The following FAM227B variants were observed in gnomAD, a reference collection of about 807,000 sequenced individuals.
FAM227B encodes protein FAM227B.
FAM227B carries 88 observed loss-of-function variants against 73.8 expected under a neutral mutation model. The ratio of observed to expected loss-of-function variants is 1.19; its 90% CI spans 1.00 to 1.42. FAM227B has a LOEUF of 1.42. Ranked by LOEUF, FAM227B falls within the 40% of genes most tolerant of loss-of-function variation. The pLI is 0.00. For synonymous variants in FAM227B, 210 were observed against 190.5 expected (o/e 1.10, Z -0.84); for missense variants, 632 against 590.9 (o/e 1.07, Z -0.72).
At chr15:49,504,490 G>A (rs1442265657) in intron 11 of FAM227B, among the ~76,000 whole-genome samples, 1 of 152,018 alleles carries the variant, frequency 6.6e-6, no homozygotes, top group Non-Finnish European at 1.5e-5. Flanking sequence ...TGTGGAACTA[G>A]CACCACTCGC....
At chr15:49,505,486 T>A (rs1328209936) in intron 11 of FAM227B, among the ~76,000 whole-genome samples, 3 of 152,098 alleles carry the variant, frequency 2.0e-5, no homozygotes, top group Admixed American at 6.5e-5. Context: ...ATTATTTATG[T>A]AGATATATTT....
At chr15:49,608,716 A>C (rs779712047) in intron 3 of FAM227B, among the ~76,000 whole-genome samples, 2 of 152,064 alleles carry the variant, frequency 1.3e-5, no homozygotes, top group Non-Finnish European at 2.9e-5. Context: ...TCCTCTAAGA[A>C]AAATCATATC....
intron 11 of FAM227B, among the ~76,000 whole-genome samples, chr15:49,396,755 A>T (rs570216185): frequency 6.8e-6 from 1 of 146,968 alleles, no homozygotes. Flanking sequence ...CTCACACGGC[A>T]GGGTACTCCA....
chr15:49,424,828 T>C, intron 11 of FAM227B: 2 of 295,176 alleles, frequency 6.8e-6, no homozygotes, highest in Non-Finnish European at 1.3e-5. Flanking sequence ...ATACTCCTTG[T>C]CCTGAAAATG....
At chr15:49,504,262 C>T (rs1268055669) in intron 11 of FAM227B, among the ~76,000 whole-genome samples, 1 of 133,382 alleles carries the variant, frequency 7.5e-6, no homozygotes, top group Non-Finnish European at 1.6e-5. Flanking sequence ...AACATCACAC[C>T]CCGGGGCCTG....
At chr15:49,479,894 G>A (rs1470722134) in intron 11 of FAM227B, among the ~76,000 whole-genome samples, 4 of 152,150 alleles carry the variant, frequency 2.6e-5, no homozygotes, top group African/African-American at 7.2e-5. Context: ...GATTACAGGC[G>A]TGAGCCACTG....
At chr15:49,513,999 C>A (rs968798086) in intron 10 of FAM227B, among the ~76,000 whole-genome samples, 2 of 152,038 alleles carry the variant, frequency 1.3e-5, no homozygotes, top group East Asian at 1.9e-4. Context: ...GTTACTGTAA[C>A]CTTGTAGGAT....
chr15:49,439,277 G>GGA (rs146268849), intron 11 of FAM227B, among the ~76,000 whole-genome samples: 27 of 149,088 alleles, frequency 1.8e-4, no homozygotes, highest in Admixed American at 1.2e-3. Flanking sequence ...GAGAGGGGTA[G>GGA]GAGAGAGAGA....
intron 11 of FAM227B, among the ~76,000 whole-genome samples, chr15:49,496,135 C>A (rs1319815987): frequency 1.3e-5 from 2 of 152,146 alleles, no homozygotes; most frequent in Non-Finnish European, 2.9e-5. Context: ...TGTAACATGT[C>A]ATTTGCTAAA....
In FAM227B at chr15:49,327,926, T is replaced by C. The variant is rs1000513428; in HGVS notation, c.*642A>G. 6.9e-6 allele frequency: 11 copies of C among 1,593,838 alleles called. No individual in the cohort carries two copies. The highest frequency in any genetic ancestry group is 9.4e-6 in the Non-Finnish European group (11 of 1,167,754). ...CCCTTGTATTTTCATTTATAGGTTCTAATATTTTTTTCCTCACTGTTTTAG... is the reference window on the plus strand; with the variant it reads ...CCCTTGTATTTTCATTTATAGGTTCCAATATTTTTTTCCTCACTGTTTTAG... On this transcript the variant is annotated 3_prime_UTR_variant, in exon 16 of 16. Coordinates refer to ENST00000299338, the MANE Select transcript of FAM227B (RefSeq NM_152647.3).
chr15:49,545,186 G>C (rs2152284085), intron 9 of FAM227B, among the ~76,000 whole-genome samples: 1 of 152,012 alleles, frequency 6.6e-6, no homozygotes, highest in South Asian at 2.1e-4. Flanking sequence ...ACTTGTTATT[G>C]CTCCATTCAG....
chr15:49,471,722 C>G lies in FAM227B; in HGVS notation c.1012+36489G>C, dbSNP rs557218511. 8.7e-4 allele frequency among the ~76,000 whole-genome samples: 132 copies of G among 151,962 alleles called. 5 individuals carry two copies. In the South Asian group the frequency reaches 0.026, roughly 30 times the overall value. ...TGCTTTATGTAACAATAATGAGCAT[C>G]CAGAAAAGCTAGCTGACATTAGGTA... On this transcript the variant is annotated intron_variant, in intron 11 of 15. Transcript: ENST00000299338.
chr15:49,519,736 G>A (rs1597827767), intron 10 of FAM227B, among the ~76,000 whole-genome samples: 1 of 152,192 alleles, frequency 6.6e-6, no homozygotes, highest in African/African-American at 2.4e-5. Context: ...AGCTTGTGAT[G>A]AGAGGGGCTG....
intron 15 of FAM227B, chr15:49,329,030 TACTTTTTCTCAA>T (rs1384942527): frequency 1.8e-5 from 18 of 1,007,426 alleles, no homozygotes; most frequent in African/African-American, 3.4e-5. Context: ...CTTTTTCTAC[TACTTTTTCTCAA>T]ATACCTCTCT....
intron 10 of FAM227B, among the ~76,000 whole-genome samples, chr15:49,521,928 G>A (rs999794655): frequency 2.0e-5 from 3 of 152,072 alleles, no homozygotes; most frequent in South Asian, 4.1e-4. Context: ...CTATCAGGGC[G>A]GCATTTCCAC....
rs571234169 is a variant in FAM227B at position 49,396,086 on chromosome 15, A to G, written c.1013-24687T>C. 2.7e-3 allele frequency: 1,194 copies of G among 435,156 alleles called. 13 individuals are homozygous for G. Among genetic ancestry groups the G allele is most frequent in the African/African-American group, 0.02 (987 of 49,328 alleles). 27.0% of individuals were successfully genotyped at this position (435,156 alleles called of 1,614,324 possible). ...TTTCTGCATTTCCATCTGAGGTACC[A>G]GGTTCATCTCACTAGGGAGTGCCAG... On this transcript the variant is annotated intron_variant, in intron 11 of 15. Coordinates refer to ENST00000299338, the MANE Select transcript of FAM227B (RefSeq NM_152647.3).
intron 11 of FAM227B, among the ~76,000 whole-genome samples, chr15:49,432,277 T>G (rs958765986): frequency 1.3e-5 from 2 of 151,700 alleles, no homozygotes; most frequent in African/African-American, 4.8e-5. Flanking sequence ...ATTTCCAAAC[T>G]GTGTTTCTTT....
intron 9 of FAM227B, among the ~76,000 whole-genome samples, chr15:49,552,643 C>T (rs1354137924): frequency 6.6e-6 from 1 of 152,036 alleles, no homozygotes; most frequent in Non-Finnish European, 1.5e-5. Flanking sequence ...TTTTCTAGAT[C>T]CTGTAGGCAT....
chr15:49,579,134 C>T (rs1407906558), intron 5 of FAM227B, among the ~76,000 whole-genome samples: 8 of 152,100 alleles, frequency 5.3e-5, no homozygotes, highest in Admixed American at 4.6e-4. Flanking sequence ...ATTAGAATGG[C>T]TATTATCAAA....
Sources: allele counts gnomAD v4.1 joint callset (sites outside exome capture counted in the v4.1 genomes callset), GRCh38; gene constraint gnomAD v4.1.1; transcripts MANE v1.5; gene names NCBI Gene and HGNC (gene_info 2026-07-23, HGNC 2026-07-21).